Variants in ZC3H12B observed in about 807,000 individuals in gnomAD.
ZC3H12B encodes the protein probable ribonuclease ZC3H12B.
Under a neutral mutation model 43.9 loss-of-function variants are expected in ZC3H12B, and 7 were observed. That is an observed-to-expected ratio of 0.16 (90% CI 0.09 to 0.30). ZC3H12B has a LOEUF of 0.30. ZC3H12B is among the 10% of genes least tolerant of loss of function. The pLI, the probability that ZC3H12B is intolerant of heterozygous loss-of-function variation, is 1.00. For synonymous variants in ZC3H12B, 222 were observed against 241.7 expected (o/e 0.92, Z 0.76); for missense variants, 475 against 670.2 (o/e 0.71, Z 3.22).
chrX:65,409,556 C>CCACACACACACACACACA (rs149933064), intron 3 of ZC3H12B, among the ~76,000 whole-genome samples: 1 of 87,661 alleles, frequency 1.1e-5, no homozygotes, highest in African/African-American at 4.1e-5. Flanking sequence ...CCTAAAGACT[C>CCACACACACACACACACA]CACACACACA....
At chrX:65,192,593 A>T in the ZC3H12B span, among the ~76,000 whole-genome samples, 1 of 111,517 alleles carries the variant, frequency 9.0e-6, no homozygotes, top group African/African-American at 3.3e-5. Flanking sequence ...TATCAGCATC[A>T]GTTGAATTTA....
the ZC3H12B span, among the ~76,000 whole-genome samples, chrX:65,284,188 CA>C: frequency 2.2e-5 from 2 of 90,330 alleles, no homozygotes; most frequent in African/African-American, 8.8e-5. Context: ...AAAGTAAATT[CA>C]AAAATAGGAA....
chrX:65,399,849 A>G (rs1282785632), intron 3 of ZC3H12B, among the ~76,000 whole-genome samples: 2 of 112,408 alleles, frequency 1.8e-5, no homozygotes, highest in Non-Finnish European at 1.9e-5. Flanking sequence ...ACTCAGTCAT[A>G]AAAGTAGAAT....
At chrX:65,250,205 C>T in the ZC3H12B span, among the ~76,000 whole-genome samples, 73 of 110,630 alleles carry the variant, frequency 6.6e-4, no homozygotes, top group African/African-American at 2.1e-3. Flanking sequence ...TTTGTCCTTG[C>T]GATAGTTTGC....
At chrX:65,487,938 C>G (rs1290920934), upstream of ZC3H12B, among the ~76,000 whole-genome samples, 4 of 111,915 alleles carry the variant, frequency 3.6e-5, no homozygotes, top group East Asian at 1.1e-3. Flanking sequence ...GTGGCGCGAT[C>G]TTGGCTCACT....
chrX:65,342,021 T>C, the ZC3H12B span, among the ~76,000 whole-genome samples: 1 of 110,637 alleles, frequency 9.0e-6, no homozygotes, highest in South Asian at 3.8e-4. Flanking sequence ...AACAGACCAG[T>C]CTCACATGGA....
chrX:65,118,238 T>C, the ZC3H12B span, among the ~76,000 whole-genome samples: 4 of 111,882 alleles, frequency 3.6e-5, no homozygotes, highest in African/African-American at 1.3e-4. Flanking sequence ...TTGATTTCCT[T>C]GAGCAGTGGT....
At chrX:65,063,174 C>T in the ZC3H12B span, among the ~76,000 whole-genome samples, 2 of 111,414 alleles carry the variant, frequency 1.8e-5, no homozygotes, top group African/African-American at 6.5e-5. Context: ...CCTGATTGCC[C>T]TGGTCAGAAC....
At chrX:65,091,162 T>C in the ZC3H12B span, among the ~76,000 whole-genome samples, 1 of 109,236 alleles carries the variant, frequency 9.2e-6, no homozygotes, top group African/African-American at 3.5e-5. Context: ...GTGTCATACA[T>C]GTCCTTATAA....
chrX:65,468,881 T>C (rs768423919), intron 3 of ZC3H12B, among the ~76,000 whole-genome samples: 8 of 109,367 alleles, frequency 7.3e-5, no homozygotes, highest in Non-Finnish European at 1.5e-4. Flanking sequence ...ATTTGTTAGA[T>C]TCATCTTTTT....
chrX:65,121,305 T>G, the ZC3H12B span, among the ~76,000 whole-genome samples: 1 of 111,443 alleles, frequency 9.0e-6, no homozygotes, highest in East Asian at 2.8e-4. Context: ...TGGTAAGGTA[T>G]TAATTATTGC....
the ZC3H12B span, among the ~76,000 whole-genome samples, chrX:65,358,786 G>T: frequency 9.0e-6 from 1 of 111,556 alleles, no homozygotes; most frequent in East Asian, 2.8e-4. Context: ...AGAAAAGCAT[G>T]AGCAAACAAA....
chrX:65,450,675 GTA>G lies in ZC3H12B; in HGVS notation n.408-37965_408-37964del, dbSNP rs1170647767. On this transcript the variant is annotated intron_variant and non_coding_transcript_variant, in intron 3 of 5. Transcript: ENST00000617377. ...TGTATATATGTATATGTATACATGTGTATATATGTATATGTATACATATGTGT... is the reference window on the plus strand; with the variant it reads ...TGTATATATGTATATGTATACATGTGTATATGTATATGTATACATATGTGT... Among the ~76,000 whole-genome samples, 15 of 10,889 alleles carry G rather than the reference GTA, an allele frequency of 1.4e-3. 1 individual carries two copies. Among genetic ancestry groups the G allele is most frequent in the African/African-American group, 3.4e-3 (2 of 584 alleles). 9.5% of individuals were successfully genotyped at this position (10,889 alleles called of 115,157 possible).
chrX:65,106,961 G>A, the ZC3H12B span, among the ~76,000 whole-genome samples: 1 of 111,302 alleles, frequency 9.0e-6, no homozygotes, highest in Non-Finnish European at 1.9e-5. Context: ...AACTCAATCT[G>A]GTTCCAGAGC....
intron 2 of ZC3H12B, among the ~76,000 whole-genome samples, chrX:65,386,070 C>G (rs902641866): frequency 8.9e-6 from 1 of 112,085 alleles, no homozygotes; most frequent in African/African-American, 3.2e-5. Flanking sequence ...AAGATTTGTG[C>G]ATTGATATTC....
At chrX:65,113,778 A>G in the ZC3H12B span, among the ~76,000 whole-genome samples, 1 of 108,289 alleles carries the variant, frequency 9.2e-6, no homozygotes, top group African/African-American at 3.3e-5. Context: ...GAAGGCTCAG[A>G]TAGCATTTTT....
At chrX:65,456,588 G>A (rs1231398129) in intron 3 of ZC3H12B, among the ~76,000 whole-genome samples, 4 of 105,281 alleles carry the variant, frequency 3.8e-5, no homozygotes, top group East Asian at 3.0e-4. Context: ...GCAGGCGCGC[G>A]CCGCCACGCC....
intron 3 of ZC3H12B, among the ~76,000 whole-genome samples, chrX:65,454,131 AGACAGTGGGTGCAG>A (rs1471868331): frequency 8.9e-6 from 1 of 112,716 alleles, no homozygotes; most frequent in African/African-American, 3.2e-5. Flanking sequence ...GGGGATTGTC[AGACAGTGGGTGCAG>A]GACAGTGGGT....
At chrX:65,324,566 C>G in the ZC3H12B span, among the ~76,000 whole-genome samples, 2 of 111,190 alleles carry the variant, frequency 1.8e-5, no homozygotes, top group Non-Finnish European at 1.9e-5. Context: ...TCCTTGGTTG[C>G]CCATGAACAT....
Sources: gnomAD v4.1 joint callset for allele counts (sites outside exome capture counted in the v4.1 genomes callset) on GRCh38, gnomAD v4.1.1 for gene constraint, MANE v1.5 for transcripts, NCBI Gene and HGNC (gene_info 2026-07-23, HGNC 2026-07-21) for gene names.